Variants in CATSPERE observed in about 807,000 individuals in gnomAD.
CATSPERE encodes cation channel sperm-associated auxiliary subunit epsilon.
A neutral mutation model predicts 114.1 loss-of-function variants in CATSPERE; 93 were observed. The ratio of observed to expected loss-of-function variants is 0.81; its 90% CI spans 0.69 to 0.97. The LOEUF is 0.97. Ranked by LOEUF, CATSPERE falls within the 50% of genes least tolerant of loss-of-function variation. The pLI, the probability that CATSPERE is intolerant of heterozygous loss-of-function variation, is 0.00. For synonymous variants in CATSPERE, 341 were observed against 384.1 expected, an observed-to-expected ratio of 0.89 and a Z score of 1.31; for missense variants, 1,058 against 1,131.6, an observed-to-expected ratio of 0.93 and a Z score of 0.93.
At chr1:244,576,597 T>C (rs925095370) in intron 11 of CATSPERE, among the ~76,000 whole-genome samples, 3 of 151,962 alleles carry the variant, frequency 2.0e-5, no homozygotes, top group Non-Finnish European at 4.4e-5. Flanking sequence ...ATAAACATTT[T>C]ACTTATAACA....
intron 7 of CATSPERE, among the ~76,000 whole-genome samples, chr1:244,511,955 T>A (rs757310509): frequency 1.3e-5 from 2 of 152,232 alleles, no homozygotes; most frequent in Non-Finnish European, 2.9e-5. Flanking sequence ...TTTCTCTTGC[T>A]GATTTTAGAA....
chr1:244,621,777 AAC>A (rs1200478406), intron 20 of CATSPERE, among the ~76,000 whole-genome samples: 1 of 152,210 alleles, frequency 6.6e-6, no homozygotes, highest in Non-Finnish European at 1.5e-5. Flanking sequence ...CCTGGAAAGA[AAC>A]AGAGAAGATT....
chr1:244,562,074 C>G (rs182470382), intron 10 of CATSPERE, among the ~76,000 whole-genome samples: 1 of 145,682 alleles, frequency 6.9e-6, no homozygotes, highest in Non-Finnish European at 1.5e-5. Flanking sequence ...ATCACTTGAG[C>G]CCGGGAGGTC....
Position 244,518,637 on chromosome 1 carries a change from C to T in CATSPERE, c.475C>T (p.Pro159Ser), listed in dbSNP as rs368338238. ...ACAGATGGCCACATTGGGACAGAAG[C>T]CTGTCATACATACAGTTCTGAAGAG... ...STQMATLGQK[P>S]VIHTVLKRKV... is the part of the protein sequence containing the mutation. The change falls in exon 8 of 22, where the codon CCT becomes TCT. Residue 159 changes from proline (P) to serine (S), a missense_variant. Physicochemically the swap from Pro to Ser is moderately conservative, Grantham distance 74 (BLOSUM62 -1). Transcript: ENST00000366534. The T allele has an allele frequency of 6.2e-7, 1 of 1,602,188 alleles. No individual in the cohort carries two copies. Among genetic ancestry groups the T allele is most frequent in the Non-Finnish European group, 8.5e-7 (1 of 1,171,878 alleles).
intron 10 of CATSPERE, among the ~76,000 whole-genome samples, chr1:244,564,919 T>G (rs1168675102): frequency 6.6e-6 from 1 of 152,166 alleles, no homozygotes; most frequent in Non-Finnish European, 1.5e-5. Context: ...TGAGACACAT[T>G]GCATCAATAC....
chr1:244,460,585 C>T (rs1666598949), upstream of CATSPERE, among the ~76,000 whole-genome samples: 1 of 152,212 alleles, frequency 6.6e-6, no homozygotes, highest in African/African-American at 2.4e-5. Context: ...CAGTCTCCTG[C>T]AATAAATAAA....
Position 244,572,636 on chromosome 1 carries a change from T to G in CATSPERE, c.1814T>G (p.Leu605Arg), listed in dbSNP as rs1371677846. 1.9e-6 allele frequency: 3 copies of G among 1,614,172 alleles called. No individual in the cohort carries two copies. The highest frequency in any genetic ancestry group is 1.7e-5 in the Admixed American group (1 of 60,030). The change falls in exon 11 of 22, where the codon CTG (leucine) becomes CGG (arginine). Residue 605 changes from leucine to arginine, a missense_variant. By Grantham distance (102) the Leu-to-Arg change is moderately radical. This residue lies in a region of CATSPERE where 787 missense variants were observed against 905.6 expected (regional missense o/e 0.87). Coordinates refer to ENST00000366534, the MANE Select transcript of CATSPERE (RefSeq NM_001130957.2). ...TACTTTTTGGACAAGGGAGAGGCTC[T>G]GACAGTTTGGACTCAGATCGTCTAT... ...VFYFLDKGEA[L>R]TVWTQIVYPE...
chr1:244,456,986 G>T (rs1458478569), upstream of CATSPERE, among the ~76,000 whole-genome samples: 1 of 152,168 alleles, frequency 6.6e-6, no homozygotes, highest in Non-Finnish European at 1.5e-5. Flanking sequence ...TTTTGTTAAA[G>T]GGAATGTAAT....
In CATSPERE at chr1:244,573,563, C is replaced by T. The variant is rs1572826311; in HGVS notation, c.1950+791C>T. The stretch of plus-strand genomic sequence containing the variant: ...GCTAATTCGTCTGCAACTACATGAC[C>T]TAAGATGGCCTCATTAATCTAAGGG... On this transcript the variant is annotated intron_variant, in intron 11 of 21. Coordinates refer to ENST00000366534, the MANE Select transcript of CATSPERE (RefSeq NM_001130957.2). This position sits in a 1 kb window ranked among gnomAD's most constrained non-coding sequence, Gnocchi z 4.0. Among the ~76,000 whole-genome samples the T allele has an allele frequency of 1.3e-5, 2 of 152,288 alleles. No homozygotes were observed. The highest frequency in any genetic ancestry group is 4.1e-4 in the South Asian group (2 of 4,826).
At chr1:244,550,523 C>T (rs3003222) in intron 8 of CATSPERE, among the ~76,000 whole-genome samples, 132,386 of 152,236 alleles carry the variant, frequency 0.87, 58,551 homozygotes, top group East Asian at 1. Context: ...ACAAAACAGT[C>T]ATAAATGTCT....
chr1:244,503,353 C>T (rs746499243), intron 7 of CATSPERE, among the ~76,000 whole-genome samples: 3 of 152,082 alleles, frequency 2.0e-5, no homozygotes, highest in Non-Finnish European at 4.4e-5. Context: ...TTATTAGCCA[C>T]GTCTTTTCAA....
In CATSPERE at chr1:244,493,388, GT is replaced by G. The variant is rs1466658504; in HGVS notation, c.351+2919del. On this transcript the variant is annotated intron_variant, in intron 6 of 21. Coordinates refer to ENST00000366534, the MANE Select transcript of CATSPERE (RefSeq NM_001130957.2). ...TTAATAAATGGTGCTGGGAAAACTG[GT>G]TGGCCATATGTAGAAAGCTGAAACT... Among the ~76,000 whole-genome samples, 8 of 152,326 alleles carry G rather than the reference GT, an allele frequency of 5.3e-5. No individual in the cohort carries two copies. In the East Asian group the frequency reaches 1.5e-3, roughly 29 times the overall value.
chr1:244,567,731 G>A (rs1222817266), intron 10 of CATSPERE, among the ~76,000 whole-genome samples: 2 of 151,784 alleles, frequency 1.3e-5, no homozygotes, highest in Non-Finnish European at 2.9e-5. Context: ...ATTCTAGTTA[G>A]CAATTCATCT....
intron 7 of CATSPERE, among the ~76,000 whole-genome samples, chr1:244,502,379 GTTT>G (rs1189645459): frequency 6.6e-6 from 1 of 151,800 alleles, no homozygotes; most frequent in Non-Finnish European, 1.5e-5. Flanking sequence ...ATAAAGTTGA[GTTT>G]TTGTTTCTGT....
intron 10 of CATSPERE, among the ~76,000 whole-genome samples, chr1:244,565,644 A>G (rs1663333411): frequency 6.6e-6 from 1 of 151,566 alleles, no homozygotes; most frequent in Admixed American, 6.6e-5. Flanking sequence ...TTTCTTCTTT[A>G]TTAGGCTGAC....
chr1:244,571,215 A>G (rs1001050012), intron 10 of CATSPERE, among the ~76,000 whole-genome samples: 1 of 152,204 alleles, frequency 6.6e-6, no homozygotes, highest in African/African-American at 2.4e-5. Flanking sequence ...GTTTAAGTAG[A>G]ATACAATTTA....
chr1:244,570,101 ATCTTT>A (rs1664214016), intron 10 of CATSPERE, among the ~76,000 whole-genome samples: 1 of 152,128 alleles, frequency 6.6e-6, no homozygotes, highest in African/African-American at 2.4e-5. Context: ...GGAATGTTGT[ATCTTT>A]TCATTATTTT....
intron 12 of CATSPERE, among the ~76,000 whole-genome samples, chr1:244,582,075 T>C (rs1334372543): frequency 6.6e-6 from 1 of 152,230 alleles, no homozygotes; most frequent in Non-Finnish European, 1.5e-5. Context: ...GAATTTCTCA[T>C]TCATCCAAAT....
At chr1:244,463,879 A>T in intron 1 of CATSPERE, 29 bp from the exon 2 acceptor site, 1 of 1,548,778 alleles carries the variant, frequency 6.5e-7, no homozygotes, top group South Asian at 1.1e-5. Flanking sequence ...ATTAGTTTTA[A>T]TATTTATACT....
Sources: allele counts gnomAD v4.1 joint callset (sites outside exome capture counted in the v4.1 genomes callset), GRCh38; gene constraint gnomAD v4.1.1; regional missense constraint gnomAD v4.1.1; non-coding constraint Gnocchi (gnomAD v3.1); transcripts MANE v1.5; gene names NCBI Gene and HGNC (gene_info 2026-07-23, HGNC 2026-07-21).